Variants in PDE12 observed in about 807,000 individuals in gnomAD.
PDE12 encodes 2',5'-phosphodiesterase 12.
A neutral mutation model predicts 45.4 loss-of-function variants in PDE12; 26 were observed. The ratio of observed to expected loss-of-function variants is 0.57; its 90% CI spans 0.42 to 0.79. The LOEUF is 0.79. PDE12 is among the 30% of genes least tolerant of loss of function. The pLI is 0.00. For synonymous variants in PDE12, 283 were observed against 323.9 expected, an observed-to-expected ratio of 0.87 and a Z score of 1.36; for missense variants, 668 against 790.0, an observed-to-expected ratio of 0.85 and a Z score of 1.85.
chr3:57,576,609 C>A, the PDE12 span, among the ~76,000 whole-genome samples: 1 of 143,466 alleles, frequency 7.0e-6, no homozygotes, highest in Non-Finnish European at 1.5e-5. Flanking sequence ...AATGGTTTTA[C>A]AAACTGCCCT....
the PDE12 span, chr3:57,641,848 G>A: frequency 1.1e-6 from 1 of 942,554 alleles, no homozygotes; most frequent in Non-Finnish European, 1.6e-6. Context: ...ACAATACACA[G>A]ATTGATTTTT....
chr3:57,587,653 AG>A, the PDE12 span, among the ~76,000 whole-genome samples: 31 of 152,194 alleles, frequency 2.0e-4, no homozygotes, highest in Non-Finnish European at 4.1e-4. Flanking sequence ...CGACTGCTTG[AG>A]GGCTTTAAAT....
chr3:57,573,948 T>G, the PDE12 span, among the ~76,000 whole-genome samples: 1 of 150,302 alleles, frequency 6.7e-6, no homozygotes, highest in Admixed American at 6.6e-5. Flanking sequence ...TTTTTGTTTG[T>G]TTGTTTGTTT....
chr3:57,569,959 A>C (rs114491600), downstream of PDE12, among the ~76,000 whole-genome samples: 80 of 152,222 alleles, frequency 5.3e-4, no homozygotes, highest in African/African-American at 1.8e-3. Flanking sequence ...ACTAGGTTAA[A>C]TACCTAGCCC....
At chr3:57,572,234 G>A in the PDE12 span, 1 of 1,614,020 alleles carries the variant, frequency 6.2e-7, no homozygotes. Context: ...AAGCTCATTT[G>A]ACAGCCAGTC....
chr3:57,614,272 C>T, the PDE12 span, among the ~76,000 whole-genome samples: 1 of 152,120 alleles, frequency 6.6e-6, no homozygotes, highest in Non-Finnish European at 1.5e-5. Flanking sequence ...GGCCATAAAA[C>T]AAATCTTAAA....
the PDE12 span, chr3:57,572,133 C>T: frequency 3.3e-5 from 37 of 1,137,396 alleles, no homozygotes; most frequent in Non-Finnish European, 4.8e-5. Context: ...GTTTAATAAC[C>T]AAGATACAAA....
the PDE12 span, among the ~76,000 whole-genome samples, chr3:57,586,771 T>C: frequency 1.3e-5 from 2 of 152,160 alleles, no homozygotes; most frequent in African/African-American, 2.4e-5. Context: ...TTGGCATCTT[T>C]AGTAACAAGA....
At chr3:57,581,552 G>A in the PDE12 span, among the ~76,000 whole-genome samples, 4 of 152,180 alleles carry the variant, frequency 2.6e-5, no homozygotes, top group African/African-American at 9.7e-5. Context: ...TGTAATCCCA[G>A]CACTTTGGGA....
At chr3:57,636,382 AT>A in the PDE12 span, among the ~76,000 whole-genome samples, 24 of 152,280 alleles carry the variant, frequency 1.6e-4, no homozygotes, top group Middle Eastern at 3.4e-3. Flanking sequence ...ACACAGACTT[AT>A]TTTTTCATTG....
the PDE12 span, among the ~76,000 whole-genome samples, chr3:57,610,117 G>A: frequency 6.6e-6 from 1 of 152,052 alleles, no homozygotes; most frequent in South Asian, 2.1e-4. Context: ...CATATAAACA[G>A]AACCAAAGAG....
chr3:57,581,394 C>T, the PDE12 span, among the ~76,000 whole-genome samples: 2 of 152,132 alleles, frequency 1.3e-5, no homozygotes, highest in Non-Finnish European at 2.9e-5. Flanking sequence ...ATTAAGAATG[C>T]AAAGTAAATT....
chr3:57,575,050 T>G, the PDE12 span, among the ~76,000 whole-genome samples: 4 of 152,014 alleles, frequency 2.6e-5, no homozygotes, highest in African/African-American at 9.6e-5. Flanking sequence ...GGTTTCTCCC[T>G]GGTTGGTCCG....
Position 57,557,040 on chromosome 3 carries a change from C to T in PDE12, c.661C>T (p.Pro221Ser), listed in dbSNP as rs760908694. ...GVPSSLSPSS[P>S]SSSWTETDVE... is the part of the protein sequence containing the mutation. ...CCCCTCGTCATTGTCTCCCTCCTCACCTTCTTCTTCTTGGACTGAGACTGA... is the reference window on the plus strand; with the variant it reads ...CCCCTCGTCATTGTCTCCCTCCTCATCTTCTTCTTCTTGGACTGAGACTGA... Residue 221 changes from proline to serine, a missense_variant, in exon 1 of 3, where the codon CCT (proline) becomes TCT (serine). By Grantham distance (74) the Pro-to-Ser change is moderately conservative. Coordinates refer to ENST00000311180, the MANE Select transcript of PDE12 (RefSeq NM_177966.7). The T allele has an allele frequency of 1.2e-6, 2 of 1,614,088 alleles. No individual in the cohort carries two copies. Among genetic ancestry groups the T allele is most frequent in the Non-Finnish European group, 1.7e-6 (2 of 1,180,022 alleles).
the PDE12 span, chr3:57,634,599 A>G: frequency 1.4e-6 from 2 of 1,466,040 alleles, no homozygotes; most frequent in Non-Finnish European, 1.8e-6. Context: ...CTATTTAAAT[A>G]TGGCTTATAT....
chr3:57,636,366 A>G, the PDE12 span, among the ~76,000 whole-genome samples: 4 of 152,248 alleles, frequency 2.6e-5, no homozygotes, highest in Admixed American at 2.6e-4. Flanking sequence ...AAGCAGTATC[A>G]TGGATACACA....
At chr3:57,631,657 G>C in the PDE12 span, among the ~76,000 whole-genome samples, 5 of 150,958 alleles carry the variant, frequency 3.3e-5, no homozygotes, top group African/African-American at 1.2e-4. Flanking sequence ...TAAATAACCT[G>C]ACCAAGGTAA....
downstream of PDE12, among the ~76,000 whole-genome samples, chr3:57,570,219 G>GTTGT (rs2069824239): frequency 9.8e-6 from 1 of 102,314 alleles, no homozygotes; most frequent in Non-Finnish European, 1.8e-5. Context: ...TTAATCCAGT[G>GTTGT]TTTTTTTTTT....
chr3:57,648,855 CA>C, the PDE12 span, among the ~76,000 whole-genome samples: 1 of 152,134 alleles, frequency 6.6e-6, no homozygotes, highest in African/African-American at 2.4e-5. Flanking sequence ...TCATCCTTTA[CA>C]AAAACAAACT....
Sources: gnomAD v4.1 joint callset for allele counts (sites outside exome capture counted in the v4.1 genomes callset) on GRCh38, gnomAD v4.1.1 for gene constraint, MANE v1.5 for transcripts, NCBI Gene and HGNC (gene_info 2026-07-23, HGNC 2026-07-21) for gene names.